The following ADGRE3 variants were observed in gnomAD, a reference collection of about 807,000 sequenced individuals.
ADGRE3 encodes the protein adhesion G protein-coupled receptor E3.
In ADGRE3, 88 loss-of-function variants were observed where a neutral mutation model predicts 80.1. The ratio of observed to expected loss-of-function variants is 1.10; its 90% confidence interval spans 0.93 to 1.31. The LOEUF (loss-of-function observed/expected upper bound fraction) is 1.31. ADGRE3 is among the 40% of genes most tolerant of loss of function. The pLI is 0.00. For synonymous variants in ADGRE3, 281 were observed against 294.8 expected (o/e 0.95, Z 0.48); for missense variants, 715 against 776.5 (o/e 0.92, Z 0.94).
chr19:14,625,731 A>ACAAAAC (rs1198623033), intron 14 of ADGRE3, 132 bp from the exon 15 acceptor site: 2 of 627,892 alleles, frequency 3.2e-6, no homozygotes, highest in African/African-American at 3.7e-5. Flanking sequence ...CTATTCGTAC[A>ACAAAAC]ATGGAATATT....
intron 6 of ADGRE3, among the ~76,000 whole-genome samples, chr19:14,653,227 C>T (rs1301051482): frequency 1.3e-5 from 2 of 152,046 alleles, no homozygotes; most frequent in East Asian, 1.9e-4. Flanking sequence ...ATCCGCCTGC[C>T]TTAGCCTCCA....
the ADGRE3 span, among the ~76,000 whole-genome samples, chr19:14,607,405 G>T: frequency 6.6e-6 from 1 of 151,334 alleles, no homozygotes; most frequent in Non-Finnish European, 1.5e-5. Context: ...GGGTTTCACC[G>T]TGTTAGCCAG....
At chr19:14,665,338 C>G (rs1004257148) in intron 2 of ADGRE3, among the ~76,000 whole-genome samples, 1 of 152,024 alleles carries the variant, frequency 6.6e-6, no homozygotes. Flanking sequence ...GCTGGGATTA[C>G]AGGCGTGAGC....
rs1430029221 is a variant in ADGRE3 at position 14,672,280 on chromosome 19, C to T, written c.25+2466G>A. 2.6e-5 allele frequency among the ~76,000 whole-genome samples: 4 copies of T among 152,282 alleles called. No homozygotes were observed. The East Asian group carries it at 5.8e-4, about 22-fold the overall frequency. ...TAAGTTAGGGTTTCTGAAGAGTCATCGGTGTGTCAGAATCCCAGAGTTCTA... is the reference window on the plus strand; with the variant it reads ...TAAGTTAGGGTTTCTGAAGAGTCATTGGTGTGTCAGAATCCCAGAGTTCTA... On this transcript the variant is annotated intron_variant, in intron 1 of 15. Coordinates refer to ENST00000253673, the MANE Select transcript of ADGRE3 (RefSeq NM_032571.5).
the ADGRE3 span, among the ~76,000 whole-genome samples, chr19:14,605,946 C>G: frequency 6.6e-6 from 1 of 152,026 alleles, no homozygotes; most frequent in South Asian, 2.1e-4. Context: ...CAGTATGTTG[C>G]CCAGACTAAT....
intron 4 of ADGRE3, among the ~76,000 whole-genome samples, chr19:14,659,638 T>C (rs571502801): frequency 6.6e-6 from 1 of 151,204 alleles, no homozygotes; most frequent in Non-Finnish European, 1.5e-5. Flanking sequence ...CTGGCCAACA[T>C]GGCAAAACCC....
chr19:14,658,881 C>T (rs548801242), intron 4 of ADGRE3, among the ~76,000 whole-genome samples: 2 of 151,790 alleles, frequency 1.3e-5, no homozygotes, highest in Non-Finnish European at 2.9e-5. Flanking sequence ...ATTACAGGCA[C>T]GCACCTCCAG....
intron 11 of ADGRE3, among the ~76,000 whole-genome samples, chr19:14,637,218 C>T (rs1004038841): frequency 6.6e-6 from 1 of 152,142 alleles, no homozygotes; most frequent in Non-Finnish European, 1.5e-5. Flanking sequence ...AGCTGAGTCA[C>T]CAAAGAAGGC....
intron 11 of ADGRE3, among the ~76,000 whole-genome samples, chr19:14,637,109 AC>A (rs763832914): frequency 2.0e-5 from 3 of 152,168 alleles, no homozygotes; most frequent in South Asian, 4.1e-4. Context: ...AAACAAAAAA[AC>A]AAAACAAAAA....
chr19:14,645,694 G>A (rs1410265239), intron 8 of ADGRE3, among the ~76,000 whole-genome samples: 4 of 151,994 alleles, frequency 2.6e-5, no homozygotes, highest in East Asian at 1.9e-4. Flanking sequence ...AAAACAGGTC[G>A]GATGAAGTCG....
In ADGRE3 at chr19:14,636,126, CT is replaced by C. The variant is rs1262349605; in HGVS notation, c.1484+1978del. Among the ~76,000 whole-genome samples, 44 of 72,824 alleles carry C rather than the reference CT, an allele frequency of 6.0e-4. 1 individual carries two copies. Among genetic ancestry groups the C allele is most frequent in the African/African-American group, 1.9e-3 (40 of 21,312 alleles). The allele number at this position is 72,824 out of a possible 152,430, so 47.8% of individuals were successfully genotyped here. ...TCTTTCTTTCTTTCTTTCTTTCTTT[CT>C]TTCTTTCTTTCTTTCTTTCTTTCTT... is the stretch of plus-strand genomic sequence containing the variant. On this transcript the variant is annotated intron_variant, in intron 11 of 15. Coordinates refer to ENST00000253673, the MANE Select transcript of ADGRE3 (RefSeq NM_032571.5).
Position 14,620,548 on chromosome 19 carries a change from T to TATATAATATATATATA in ADGRE3, c.1921-1078_1921-1077insTATATATATATTATAT. Reference sequence around the variant, plus strand: ...TGAATATATATATTTTATATATATATTATATATATATATATATATATTTTT... The same window carrying TATATAATATATATATA: ...TGAATATATATATTTTATATATATATATATAATATATATATATATATATATATATATATATATTTTT... On this transcript the variant is annotated intron_variant, in intron 15 of 15. Transcript: ENST00000253673. 2.2e-3 allele frequency among the ~76,000 whole-genome samples: 54 copies of TATATAATATATATATA among 24,954 alleles called. 7 individuals are homozygous for TATATAATATATATATA. Among genetic ancestry groups the TATATAATATATATATA allele is most frequent in the East Asian group, 9.0e-3 (6 of 666 alleles). 16.4% of individuals were successfully genotyped at this position (24,954 alleles called of 152,430 possible).
intron 6 of ADGRE3, among the ~76,000 whole-genome samples, chr19:14,654,032 A>G (rs1971679522): frequency 1.3e-5 from 2 of 150,934 alleles, no homozygotes; most frequent in African/African-American, 4.9e-5. Flanking sequence ...GGCTCACTGC[A>G]ACCTCTGCCT....
chr19:14,636,496 C>T (rs985268173), intron 11 of ADGRE3, among the ~76,000 whole-genome samples: 5 of 152,054 alleles, frequency 3.3e-5, no homozygotes, highest in African/African-American at 7.2e-5. Flanking sequence ...CATGAGTCAC[C>T]GTGCCCGACC....
downstream of ADGRE3, among the ~76,000 whole-genome samples, chr19:14,615,288 A>G (rs2075069203): frequency 7.1e-6 from 1 of 140,550 alleles, no homozygotes; most frequent in African/African-American, 2.7e-5. Context: ...GCTCACTGCA[A>G]CTTCCATCTC....
chr19:14,617,424 G>A (rs1439384371), downstream of ADGRE3, among the ~76,000 whole-genome samples: 1 of 99,396 alleles, frequency 1.0e-5, no homozygotes, highest in East Asian at 3.9e-4. Flanking sequence ...TCTTGATGGA[G>A]TCTTACTCTG....
the ADGRE3 span, chr19:14,600,256 C>T: frequency 6.5e-7 from 1 of 1,533,630 alleles, no homozygotes; most frequent in African/African-American, 1.4e-5. Flanking sequence ...ACACATCCCT[C>T]CCTTCCCTGG....
chr19:14,604,634 G>A, the ADGRE3 span, among the ~76,000 whole-genome samples: 84 of 150,938 alleles, frequency 5.6e-4, no homozygotes, highest in Admixed American at 1.7e-3. Context: ...ATGGTGGCGC[G>A]TGGCTGTAAT....
Position 14,644,120 on chromosome 19 carries a change from G to T in ADGRE3, c.1038C>A (p.Ala346=). The part of the protein sequence containing the change: ...SHLSSFAVLM[A]LTSQEEDPVL... ...ATATACATCATACCTGGCTGGTCAGGGCCATCAGGACAGCGAAGCTGGACA... is the reference window on the plus strand; with the variant it reads ...ATATACATCATACCTGGCTGGTCAGTGCCATCAGGACAGCGAAGCTGGACA... The change falls in exon 9 of 16, where the codon GCC becomes GCA. Residue 346 remains alanine (A), a synonymous_variant. Coordinates refer to ENST00000253673, the MANE Select transcript of ADGRE3 (RefSeq NM_032571.5). 6.5e-7 allele frequency: 1 copy of T among 1,546,256 alleles called. No individual in the cohort carries two copies. The highest frequency in any genetic ancestry group is 8.7e-7 in the Non-Finnish European group (1 of 1,146,132).
Sources: gnomAD v4.1 joint callset for allele counts (sites outside exome capture counted in the v4.1 genomes callset) on GRCh38, gnomAD v4.1.1 for gene constraint, MANE v1.5 for transcripts, NCBI Gene and HGNC (gene_info 2026-07-23, HGNC 2026-07-21) for gene names.